CDH6: variants seen among roughly 807,000 people sequenced by gnomAD.
The protein encoded by CDH6 is cadherin 6, also known as cadherin-6.
In CDH6, 31 loss-of-function variants were observed where a neutral mutation model predicts 78.0. The observed-to-expected ratio is 0.40, with a 90% CI of 0.30 to 0.54. The LOEUF (loss-of-function observed/expected upper bound fraction) is 0.54, where lower values mean the gene tolerates loss of function less well. Ranked by LOEUF, CDH6 falls within the 20% of genes least tolerant of loss-of-function variation. CDH6 has a pLI of 0.56. For missense variants in CDH6, 724 were observed against 975.9 expected (o/e 0.74, Z 3.44); for synonymous variants, 376 against 368.8 (o/e 1.02, Z -0.23).
chr5:31,288,414 C>T (rs1743066847), intron 2 of CDH6, among the ~76,000 whole-genome samples: 1 of 152,176 alleles, frequency 6.6e-6, no homozygotes, highest in South Asian at 2.1e-4. Context: ...AAAACAGAAG[C>T]AACTCTAATC....
At position 31,298,503 on chromosome 5, in the gene CDH6, C is replaced by T. The variant is rs532540182; in HGVS notation, c.644-961C>T. On this transcript the variant is annotated intron_variant, in intron 4 of 11. Coordinates refer to ENST00000265071, the MANE Select transcript of CDH6 (RefSeq NM_004932.4). Reference sequence around the variant, plus strand: ...TATTATTTGGAGAACAGAAAGCAGCCGCACTTTCACTGAAGGCAGGACTAT... The same window carrying T: ...TATTATTTGGAGAACAGAAAGCAGCTGCACTTTCACTGAAGGCAGGACTAT... 6.6e-5 allele frequency among the ~76,000 whole-genome samples: 10 copies of T among 152,196 alleles called. No homozygotes were observed. The South Asian group carries it at 1.9e-3, about 28-fold the overall frequency.
At chr5:31,317,551 G>A (rs1264374444) in intron 10 of CDH6, 59 bp downstream of exon 10, 2 of 1,507,374 alleles carry the variant, frequency 1.3e-6, no homozygotes, top group African/African-American at 2.8e-5. Context: ...AACTGTTTCT[G>A]TATGTATATG....
intron 2 of CDH6, among the ~76,000 whole-genome samples, chr5:31,269,463 G>T (rs1248153899): frequency 1.3e-5 from 2 of 152,162 alleles, no homozygotes; most frequent in African/African-American, 2.4e-5. Context: ...CCTAGGACAG[G>T]TTGTTAACCT....
rs1740562911 is a variant in CDH6, at chr5:31,207,467, C to A, written c.-129+13581C>A. On this transcript the variant is annotated intron_variant, in intron 1 of 11. Coordinates refer to ENST00000265071, the MANE Select transcript of CDH6 (RefSeq NM_004932.4). ...CTCTGACCCCCACCTACCTATCTGACTCTTAGCTTAGATTCCTAATGGTGT... is the reference window on the plus strand; with the variant it reads ...CTCTGACCCCCACCTACCTATCTGAATCTTAGCTTAGATTCCTAATGGTGT... Among the ~76,000 whole-genome samples, 7 of 152,204 alleles carry A rather than the reference C, an allele frequency of 4.6e-5. No individual in the cohort carries two copies. In the South Asian group the frequency reaches 1.4e-3, roughly 31 times the overall value.
At chr5:31,261,210 A>G (rs1742202973) in intron 1 of CDH6, among the ~76,000 whole-genome samples, 1 of 152,122 alleles carries the variant, frequency 6.6e-6, no homozygotes, top group Non-Finnish European at 1.5e-5. Context: ...ATTAAGTACC[A>G]TCTTCATCCT....
intron 1 of CDH6, among the ~76,000 whole-genome samples, chr5:31,202,186 T>C (rs902689558): frequency 3.3e-5 from 5 of 152,204 alleles, no homozygotes; most frequent in Middle Eastern, 3.2e-3. Flanking sequence ...TTTTGAGATA[T>C]ACATTTTTAC....
chr5:31,214,137 C>A (rs1381508612), intron 1 of CDH6, among the ~76,000 whole-genome samples: 1 of 98,672 alleles, frequency 1.0e-5, no homozygotes, highest in East Asian at 2.7e-4. Context: ...GGAATCTGTG[C>A]CTTAAAAAAA....
intron 1 of CDH6, among the ~76,000 whole-genome samples, chr5:31,226,755 A>T (rs1741164142): frequency 6.6e-6 from 1 of 152,286 alleles, no homozygotes; most frequent in African/African-American, 2.4e-5. Context: ...TAGGAACACA[A>T]ATTCGTCGTT....
chr5:31,259,473 G>C (rs1190708349), intron 1 of CDH6, among the ~76,000 whole-genome samples: 1 of 152,128 alleles, frequency 6.6e-6, no homozygotes, highest in East Asian at 1.9e-4. Context: ...AATCATCCAT[G>C]CTAATTTGTA....
At chr5:31,252,932 A>C (rs1247148941) in intron 1 of CDH6, among the ~76,000 whole-genome samples, 1 of 152,204 alleles carries the variant, frequency 6.6e-6, no homozygotes, top group Non-Finnish European at 1.5e-5. Flanking sequence ...ATAATGTAGC[A>C]ATGTGCTAAG....
intron 1 of CDH6, among the ~76,000 whole-genome samples, chr5:31,247,252 C>A (rs1741778342): frequency 6.6e-6 from 1 of 152,196 alleles, no homozygotes; most frequent in South Asian, 2.1e-4. Context: ...CTCCTCTGCA[C>A]ACCTGAGTCA....
chr5:31,213,984 T>C (rs757302119), intron 1 of CDH6, among the ~76,000 whole-genome samples: 6 of 152,230 alleles, frequency 3.9e-5, no homozygotes, highest in African/African-American at 9.6e-5. Flanking sequence ...TTCCTCATAA[T>C]TGTGAGTCCG....
intron 2 of CDH6, among the ~76,000 whole-genome samples, chr5:31,269,265 TAAA>T (rs58366711): frequency 3.6e-5 from 5 of 138,482 alleles, no homozygotes; most frequent in Non-Finnish European, 7.6e-5. Flanking sequence ...CACATATTCT[TAAA>T]AAAAAAAAAA....
At position 31,297,304 on chromosome 5, in the gene CDH6, A is replaced by G. The variant is rs1284134859; in HGVS notation, c.539A>G (p.Gln180Arg). 1.9e-6 allele frequency: 3 copies of G among 1,611,526 alleles called. No individual in the cohort carries two copies. Among genetic ancestry groups the G allele is most frequent in the African/African-American group, 2.7e-5 (2 of 74,822 alleles). ...GTCATTACAGGTACATTTGTTGTCC[A>G]AGTCACTGCGACGGATGCAGATGAT... ...EMSDVGTFVV[Q>R]VTATDADDPT... The change falls in exon 4 of 12, where the codon CAA becomes CGA. Residue 180 changes from glutamine to arginine, a missense_variant. Transcript: ENST00000265071.
chr5:31,265,769 G>GTTTTTTTTT (rs35184792), intron 1 of CDH6, among the ~76,000 whole-genome samples: 11 of 78,438 alleles, frequency 1.4e-4, no homozygotes, highest in Non-Finnish European at 1.8e-4. Flanking sequence ...TTAAGACAAT[G>GTTTTTTTTT]TTTTTTTTTT....
chr5:31,199,653 GTA>G (rs1394655695), intron 1 of CDH6, among the ~76,000 whole-genome samples: 19 of 123,172 alleles, frequency 1.5e-4, no homozygotes, highest in South Asian at 5.5e-4. Flanking sequence ...GTGTGTGTGT[GTA>G]TGTGTGTGTG....
At chr5:31,209,504 G>A (rs949680172) in intron 1 of CDH6, among the ~76,000 whole-genome samples, 2 of 152,062 alleles carry the variant, frequency 1.3e-5, no homozygotes, top group Non-Finnish European at 2.9e-5. Flanking sequence ...GGGAGTAAAG[G>A]GGAAGGCAAT....
intron 1 of CDH6, among the ~76,000 whole-genome samples, chr5:31,244,852 C>T (rs184108269): frequency 9.8e-5 from 15 of 152,292 alleles, no homozygotes; most frequent in Admixed American, 2.6e-4. Flanking sequence ...CAGAGTTAGA[C>T]GACCTCTGAG....
rs1267561049 is a variant in CDH6, at chr5:31,322,870, G to T, written c.1935G>T (p.Leu645Phe). Residue 645 changes from leucine (L) to phenylalanine (F), a missense_variant, in exon 12 of 12, where the codon TTG (leucine) becomes TTT (phenylalanine). This residue lies in a region of CDH6 where 220 missense variants were observed against 240.6 expected (regional missense o/e 0.91). Transcript: ENST00000265071. ...GGCGGCAGCGAAAAAAAGAGCCTTTGATCATTTCCAAAGAGGACATCAGAG... is the reference window on the plus strand; with the variant it reads ...GGCGGCAGCGAAAAAAAGAGCCTTTTATCATTTCCAAAGAGGACATCAGAG... ...ALRRQRKKEP[L>F]IISKEDIRDN... is the part of the protein sequence containing the mutation. 3 of 1,614,078 alleles carry T rather than the reference G, an allele frequency of 1.9e-6. No individual in the cohort carries two copies. Among genetic ancestry groups the T allele is most frequent in the South Asian group, 1.1e-5 (1 of 91,062 alleles).
Sources: allele counts gnomAD v4.1 joint callset (sites outside exome capture counted in the v4.1 genomes callset), GRCh38; gene constraint gnomAD v4.1.1; regional missense constraint gnomAD v4.1.1; transcripts MANE v1.5; gene names NCBI Gene and HGNC (gene_info 2026-07-23, HGNC 2026-07-21).